The following THSD4 variants were observed in gnomAD, a reference collection of about 807,000 sequenced individuals.
THSD4 encodes thrombospondin type 1 domain containing 4.
In THSD4, 69 loss-of-function variants were observed where a neutral mutation model predicts 119.0. The observed-to-expected ratio is 0.58, with a 90% CI of 0.48 to 0.71. THSD4 has a LOEUF of 0.71. Among genes scored for constraint, THSD4 ranks in the 30% least tolerant of loss-of-function variants. The pLI, the probability that THSD4 is intolerant of heterozygous loss-of-function variation, is 0.00. For missense variants in THSD4, 1,393 were observed against 1,391.1 expected, an observed-to-expected ratio of 1.00 and a Z score of -0.02; for synonymous variants, 524 against 540.4, an observed-to-expected ratio of 0.97 and a Z score of 0.42.
chr15:71,510,964 C>G (rs2048274390), intron 7 of THSD4, among the ~76,000 whole-genome samples: 1 of 151,888 alleles, frequency 6.6e-6, no homozygotes, highest in Admixed American at 6.6e-5. Flanking sequence ...GATGGATGAC[C>G]TCACGTTTGG....
chr15:71,441,524 T>C (rs1008881144), intron 7 of THSD4, among the ~76,000 whole-genome samples: 1 of 143,336 alleles, frequency 7.0e-6, no homozygotes, highest in Non-Finnish European at 1.5e-5. Context: ...GCCTCAGGAG[T>C]AGCTGGGACT....
intron 7 of THSD4, among the ~76,000 whole-genome samples, chr15:71,621,101 A>G (rs1595796020): frequency 1.3e-5 from 2 of 152,338 alleles, no homozygotes; most frequent in African/African-American, 4.8e-5. Flanking sequence ...TGGATTATCA[A>G]TTCTAAAATG....
chr15:71,633,577 A>C (rs2050680257), intron 7 of THSD4, among the ~76,000 whole-genome samples: 1 of 152,204 alleles, frequency 6.6e-6, no homozygotes, highest in South Asian at 2.1e-4. Context: ...GCCCTGCTGA[A>C]AGCAGTATTT....
chr15:71,608,806 T>C (rs967848915), intron 7 of THSD4, among the ~76,000 whole-genome samples: 4 of 152,344 alleles, frequency 2.6e-5, no homozygotes, highest in Admixed American at 1.3e-4. Flanking sequence ...ATCCTCATGA[T>C]ACAATCATGC....
chr15:71,126,448 C>T (rs2040457541), intron 1 of THSD4, among the ~76,000 whole-genome samples: 1 of 152,208 alleles, frequency 6.6e-6, no homozygotes, highest in Admixed American at 6.5e-5. Context: ...TTGGGGGCCC[C>T]CTTCCTTGCT....
At chr15:71,352,328 A>G (rs2045753821) in intron 6 of THSD4, among the ~76,000 whole-genome samples, 1 of 152,214 alleles carries the variant, frequency 6.6e-6, no homozygotes, top group African/African-American at 2.4e-5. Flanking sequence ...CTGAAGACAC[A>G]TGGCCGGAGT....
intron 6 of THSD4, among the ~76,000 whole-genome samples, chr15:71,321,261 C>T (rs944662077): frequency 7.5e-5 from 11 of 146,606 alleles, no homozygotes; most frequent in Admixed American, 5.4e-4. Flanking sequence ...TCAGGCCAGG[C>T]GCGGTGGCTC....
chr15:71,125,176 G>T (rs184902315), intron 1 of THSD4, among the ~76,000 whole-genome samples: 319 of 152,072 alleles, frequency 2.1e-3, no homozygotes, highest in African/African-American at 7.1e-3. Flanking sequence ...GAGAAGAAAA[G>T]AAAAAATTTT....
intron 1 of THSD4, among the ~76,000 whole-genome samples, chr15:71,122,336 G>A (rs2141354031): frequency 6.6e-6 from 1 of 152,286 alleles, no homozygotes; most frequent in South Asian, 2.1e-4. Flanking sequence ...AGAGGCTAAG[G>A]AATGTTCACA....
At chr15:71,594,245 G>A (rs2049865280) in intron 7 of THSD4, among the ~76,000 whole-genome samples, 1 of 148,374 alleles carries the variant, frequency 6.7e-6, no homozygotes, top group African/African-American at 2.5e-5. Context: ...AAGTGTCACT[G>A]TTGCCCAAGC....
chr15:71,165,242 T>G, intron 3 of THSD4: 1 of 1,562,570 alleles, frequency 6.4e-7, no homozygotes, highest in Non-Finnish European at 8.8e-7. Flanking sequence ...ATCTTGAAAT[T>G]TTCCTTTGTC....
intron 6 of THSD4, among the ~76,000 whole-genome samples, chr15:71,267,614 A>T (rs1394472791): frequency 6.6e-6 from 1 of 152,248 alleles, no homozygotes; most frequent in African/African-American, 2.4e-5. Flanking sequence ...ACATAACAAT[A>T]TTAATCTTAA....
intron 6 of THSD4, among the ~76,000 whole-genome samples, chr15:71,326,727 T>TATATATATATATATATATA (rs2045351225): frequency 2.1e-5 from 1 of 46,794 alleles, no homozygotes; most frequent in Non-Finnish European, 5.0e-5. Context: ...ATATATATAT[T>TATATATATATATATATATA]AGCTGGGTGT....
At chr15:71,584,255 T>C (rs1270478695) in intron 7 of THSD4, among the ~76,000 whole-genome samples, 5 of 131,684 alleles carry the variant, frequency 3.8e-5, no homozygotes. Context: ...ATTTTTTTTT[T>C]CACTTTCTTT....
intron 3 of THSD4, chr15:71,165,126 G>A: frequency 6.2e-7 from 1 of 1,610,648 alleles, no homozygotes. Context: ...GCCGAAGGAG[G>A]CCTCTTGGGT....
chr15:71,233,123 G>T (rs1451264857), intron 4 of THSD4, among the ~76,000 whole-genome samples: 1 of 152,224 alleles, frequency 6.6e-6, no homozygotes, highest in Non-Finnish European at 1.5e-5. Flanking sequence ...CTTTCTGGGA[G>T]TATATGACTT....
chr15:71,180,171 T>A (rs8023662), intron 3 of THSD4, among the ~76,000 whole-genome samples: 145 of 141,048 alleles, frequency 1.0e-3, no homozygotes, highest in African/African-American at 3.7e-3. Context: ...AAAAAAAAAA[T>A]AAAAAAAAAA....
chr15:71,230,415 T>C (rs1465889912), intron 4 of THSD4, among the ~76,000 whole-genome samples: 3 of 152,224 alleles, frequency 2.0e-5, no homozygotes, highest in African/African-American at 4.8e-5. Flanking sequence ...ACATATCACA[T>C]TGGAGGCTCT....
chr15:71,348,144 G>GT (rs1448149210), intron 6 of THSD4: 2 of 152,160 alleles, frequency 1.3e-5, no homozygotes, highest in African/African-American at 4.8e-5. Flanking sequence ...TGAAATGCTT[G>GT]TTTTCAGGTC....
Sources: allele counts gnomAD v4.1 joint callset (sites outside exome capture counted in the v4.1 genomes callset), GRCh38; gene constraint gnomAD v4.1.1; transcripts MANE v1.5; gene names NCBI Gene and HGNC (gene_info 2026-07-23, HGNC 2026-07-21).